Variants in UQCC6 observed in about 807,000 individuals in gnomAD.
UQCC6 encodes protein BRAWNIN.
the UQCC6 span, chr12:103,950,578 T>C: frequency 6.6e-6 from 1 of 152,252 alleles, no homozygotes; most frequent in Non-Finnish European, 1.5e-5. Flanking sequence ...GCTGGCATGC[T>C]TGATACTAGG....
chr12:103,957,891 AAATATATATATATAATATATATTTTT>A, the UQCC6 span, among the ~76,000 whole-genome samples: 1 of 114,966 alleles, frequency 8.7e-6, no homozygotes, highest in Admixed American at 9.6e-5. Context: ...TCTCTACTAA[AAATATATATATATAATATATATTTTT>A]AAATATATAT....
At chr12:103,951,664 C>T in the UQCC6 span, 268 of 1,230,212 alleles carry the variant, frequency 2.2e-4, no homozygotes, top group Non-Finnish European at 2.6e-4. Context: ...ACATAAATGT[C>T]TAACCCTTAA....
At chr12:103,959,478 C>T in the UQCC6 span, among the ~76,000 whole-genome samples, 2 of 151,938 alleles carry the variant, frequency 1.3e-5, no homozygotes, top group African/African-American at 2.4e-5. Flanking sequence ...TTTGGGAGGC[C>T]GAGGCAGGCG....
At chr12:103,955,574 C>T in the UQCC6 span, 35 of 337,910 alleles carry the variant, frequency 1.0e-4, no homozygotes, top group Middle Eastern at 9.0e-4. Context: ...TGTGAGGCTG[C>T]GGTGAGCTGA....
chr12:103,952,113 A>T, the UQCC6 span, among the ~76,000 whole-genome samples: 4 of 152,228 alleles, frequency 2.6e-5, no homozygotes, highest in Non-Finnish European at 4.4e-5. Flanking sequence ...TTCTGCATCT[A>T]TCACCACAAT....
the UQCC6 span, among the ~76,000 whole-genome samples, chr12:103,964,370 G>C: frequency 6.6e-6 from 1 of 151,886 alleles, no homozygotes; most frequent in Non-Finnish European, 1.5e-5. Flanking sequence ...CACCCGCCTC[G>C]GCCTCCCAAA....
the UQCC6 span, chr12:103,951,536 T>A: frequency 6.5e-7 from 1 of 1,532,776 alleles, no homozygotes. Flanking sequence ...TTTAAGTTCC[T>A]CCTGTTGAGA....
chr12:103,951,600 C>A, the UQCC6 span: 12 of 1,545,840 alleles, frequency 7.8e-6, no homozygotes, highest in South Asian at 1.2e-4. Flanking sequence ...GTTTTGAGTT[C>A]TCCACGCTTT....
At chr12:103,956,777 G>T in the UQCC6 span, 1 of 1,427,980 alleles carries the variant, frequency 7.0e-7, no homozygotes, top group Non-Finnish European at 9.7e-7. Context: ...GGCAGTGTCA[G>T]AAGTTCCAGC....
At chr12:103,958,921 CTTGA>C in the UQCC6 span, among the ~76,000 whole-genome samples, 1 of 152,066 alleles carries the variant, frequency 6.6e-6, no homozygotes, top group South Asian at 2.1e-4. Context: ...CTTAATGACC[CTTGA>C]TTAATTTGCC....
At chr12:103,953,350 C>A in the UQCC6 span, 3 of 701,408 alleles carry the variant, frequency 4.3e-6, no homozygotes, top group Admixed American at 6.0e-5. Context: ...AGCTTTCAAC[C>A]TGAACTACAA....
the UQCC6 span, chr12:103,965,524 G>A: frequency 1.3e-5 from 2 of 153,634 alleles, no homozygotes; most frequent in African/African-American, 2.4e-5. Context: ...ACCTGATAAT[G>A]CAACACAGTC....
chr12:103,958,838 T>C, the UQCC6 span, among the ~76,000 whole-genome samples: 1 of 152,262 alleles, frequency 6.6e-6, no homozygotes, highest in African/African-American at 2.4e-5. Context: ...TCTCAGATTA[T>C]ATATTAACTC....
chr12:103,951,866 A>C, the UQCC6 span, among the ~76,000 whole-genome samples: 1 of 152,190 alleles, frequency 6.6e-6, no homozygotes, highest in African/African-American at 2.4e-5. Flanking sequence ...CAGGACTCAC[A>C]AAGGATAGCT....
the UQCC6 span, among the ~76,000 whole-genome samples, chr12:103,963,322 C>T: frequency 6.6e-6 from 1 of 152,106 alleles, no homozygotes; most frequent in Admixed American, 6.5e-5. Context: ...GTGATCTGCC[C>T]GCCTCGGCCT....
chr12:103,955,054 C>T, the UQCC6 span: 69 of 663,706 alleles, frequency 1.0e-4, no homozygotes, highest in African/African-American at 9.8e-4. Context: ...GTGGCTCATG[C>T]CTGTAACCCC....
chr12:103,953,683 C>A, the UQCC6 span: 1 of 661,188 alleles, frequency 1.5e-6, no homozygotes, highest in East Asian at 2.7e-5. Flanking sequence ...ACAGAGATAC[C>A]CCATTGCCAA....
chr12:103,963,828 T>C, the UQCC6 span, among the ~76,000 whole-genome samples: 23 of 152,150 alleles, frequency 1.5e-4, no homozygotes, highest in Non-Finnish European at 2.6e-4. Context: ...CTGTACTAGG[T>C]TTTTTGTAGG....
the UQCC6 span, among the ~76,000 whole-genome samples, chr12:103,952,699 C>T: frequency 2.6e-5 from 4 of 152,216 alleles, no homozygotes; most frequent in African/African-American, 9.7e-5. Flanking sequence ...TGTTTTACTA[C>T]AGCCATTGTA....
Sources: allele counts gnomAD v4.1 joint callset (sites outside exome capture counted in the v4.1 genomes callset), GRCh38; gene constraint gnomAD v4.1.1; transcripts MANE v1.5; gene names NCBI Gene and HGNC (gene_info 2026-07-23, HGNC 2026-07-21).